GJB7: variants seen among roughly 807,000 people sequenced by gnomAD.
GJB7 encodes the protein gap junction protein beta 7, also known as gap junction beta-7 protein.
For missense variants in GJB7, 253 were observed against 256.8 expected, an observed-to-expected ratio of 0.99 and a Z score of 0.10; for synonymous variants, 87 against 95.2, an observed-to-expected ratio of 0.91 and a Z score of 0.50.
At chr6:87,321,366 T>A (rs1776657812) in intron 2 of GJB7, among the ~76,000 whole-genome samples, 1 of 152,212 alleles carries the variant, frequency 6.6e-6, no homozygotes, top group African/African-American at 2.4e-5. Context: ...TTTTATTTCT[T>A]TCAGGTCCCA....
At chr6:87,293,999 TG>T (rs1776215525) in intron 2 of GJB7, among the ~76,000 whole-genome samples, 1 of 152,212 alleles carries the variant, frequency 6.6e-6, no homozygotes, top group Admixed American at 6.5e-5. Context: ...ATGGACACAG[TG>T]CCTCTGCTAC....
chr6:87,303,933 C>T (rs747514935), intron 2 of GJB7, among the ~76,000 whole-genome samples: 10 of 152,032 alleles, frequency 6.6e-5, no homozygotes, highest in Admixed American at 1.3e-4. Flanking sequence ...CTACAGGGTA[C>T]ATAATGAAAT....
intron 2 of GJB7, among the ~76,000 whole-genome samples, chr6:87,308,491 G>A (rs144118119): frequency 1.6e-4 from 25 of 152,234 alleles, no homozygotes; most frequent in African/African-American, 6.0e-4. Context: ...AAACAAATCA[G>A]TAGAAAATGT....
chr6:87,293,172 C>T (rs949411823), intron 2 of GJB7, among the ~76,000 whole-genome samples: 3 of 152,182 alleles, frequency 2.0e-5, no homozygotes, highest in Non-Finnish European at 4.4e-5. Flanking sequence ...GTGGGGACTA[C>T]AGGCACGCGC....
chr6:87,325,032 A>G (rs536991011), intron 1 of GJB7, among the ~76,000 whole-genome samples: 52 of 152,126 alleles, frequency 3.4e-4, no homozygotes, highest in East Asian at 1.2e-3. Flanking sequence ...CTTTGAAGCA[A>G]TTGTGAATGG....
intron 1 of GJB7, among the ~76,000 whole-genome samples, chr6:87,325,708 G>T (rs1388123124): frequency 6.6e-6 from 1 of 152,082 alleles, no homozygotes; most frequent in African/African-American, 2.4e-5. Context: ...GTTCATCAAG[G>T]ATATTGGTCT....
intron 1 of GJB7, among the ~76,000 whole-genome samples, chr6:87,324,370 T>C (rs1224247954): frequency 1.1e-4 from 17 of 152,036 alleles, no homozygotes; most frequent in Non-Finnish European, 1.6e-4. Context: ...ATGGTAATGC[T>C]TAGGTTTTCT....
chr6:87,285,675 C>T (rs1776048251), intron 2 of GJB7, among the ~76,000 whole-genome samples: 1 of 152,200 alleles, frequency 6.6e-6, no homozygotes, highest in African/African-American at 2.4e-5. Flanking sequence ...ATTCTGTGGT[C>T]TTCAATCTCC....
chr6:87,288,761 T>C (rs9359744), intron 2 of GJB7, among the ~76,000 whole-genome samples: 15,596 of 152,192 alleles, frequency 0.1, 845 homozygotes, highest in East Asian at 0.13. Flanking sequence ...CCAATCTACA[T>C]TCAAGGCCAA....
chr6:87,301,795 A>G (rs979324732), intron 2 of GJB7, among the ~76,000 whole-genome samples: 4 of 152,222 alleles, frequency 2.6e-5, no homozygotes, highest in Non-Finnish European at 4.4e-5. Flanking sequence ...GGGCAGACTG[A>G]CACCTCACAT....
intron 2 of GJB7, among the ~76,000 whole-genome samples, chr6:87,311,616 G>T (rs1776513296): frequency 6.6e-6 from 1 of 152,206 alleles, no homozygotes; most frequent in African/African-American, 2.4e-5. Flanking sequence ...CAGTATTTTA[G>T]GACTGGTGGA....
intron 1 of GJB7, among the ~76,000 whole-genome samples, chr6:87,327,094 G>T (rs1314440556): frequency 6.6e-6 from 1 of 151,328 alleles, no homozygotes; most frequent in Non-Finnish European, 1.5e-5. Context: ...TGCAACCCCT[G>T]CTTTTTTTTG....
At chr6:87,321,710 G>A in intron 2 of GJB7, among the ~76,000 whole-genome samples, 1 of 152,110 alleles carries the variant, frequency 6.6e-6, no homozygotes, top group East Asian at 1.9e-4. Context: ...CTGAGGCTGG[G>A]TAACTTATAA....
intron 2 of GJB7, among the ~76,000 whole-genome samples, chr6:87,310,027 T>C (rs1776493556): frequency 6.6e-6 from 1 of 152,188 alleles, no homozygotes; most frequent in African/African-American, 2.4e-5. Context: ...CCTTAATCTT[T>C]TATGGTGATG....
chr6:87,308,295 C>T (rs1285567428), intron 2 of GJB7, among the ~76,000 whole-genome samples: 2 of 152,074 alleles, frequency 1.3e-5, no homozygotes, highest in African/African-American at 2.4e-5. Context: ...TTAATGGGTG[C>T]AGCACACCAA....
At chr6:87,321,963 C>G (rs1776673141) in intron 2 of GJB7, among the ~76,000 whole-genome samples, 3 of 152,198 alleles carry the variant, frequency 2.0e-5, no homozygotes, top group African/African-American at 7.2e-5. Flanking sequence ...TCAGTGACCT[C>G]TCACCAGGCC....
Position 87,295,102 on chromosome 6 carries a change from A to T in GJB7, c.-27-10163T>A, listed in dbSNP as rs77386152. Reference sequence around the variant, plus strand: ...AAGCAACACTGACCTTTGGTTGTATAATTTCCTGGCCAAAAAAAAAAATGG... The same window carrying T: ...AAGCAACACTGACCTTTGGTTGTATTATTTCCTGGCCAAAAAAAAAAATGG... On this transcript the variant is annotated intron_variant, in intron 2 of 2. Transcript: ENST00000525899. Among the ~76,000 whole-genome samples the T allele has an allele frequency of 1.7e-3, 251 of 152,040 alleles. 1 individual carries two copies. The highest frequency in any genetic ancestry group is 3.0e-3 in the Non-Finnish European group (206 of 67,992).
rs1458872054 is a variant in GJB7 at position 87,284,799 on chromosome 6, C to T, written c.114G>A (p.Val38=). Residue 38 remains valine, a synonymous_variant, in exon 3 of 3, where the codon GTG becomes GTA. Coordinates refer to ENST00000525899, the MANE Select transcript of GJB7 (RefSeq NM_198568.3). ...CATCTTTCCACACGTGCTCTGCTGC[C>T]ACCATGTAGACCAGCAAACGGAAGA... is the stretch of plus-strand genomic sequence containing the variant. The part of the protein sequence containing the change: ...VFVFRLLVYM[V]AAEHVWKDEQ... 1 of 1,614,126 alleles carries T rather than the reference C, an allele frequency of 6.2e-7. No individual in the cohort carries two copies. Among genetic ancestry groups the T allele is most frequent in the East Asian group, 2.2e-5 (1 of 44,868 alleles).
chr6:87,323,545 A>C (rs1776727491), intron 1 of GJB7, among the ~76,000 whole-genome samples: 1 of 151,176 alleles, frequency 6.6e-6, no homozygotes, highest in African/African-American at 2.4e-5. Context: ...TGTTCTTGCG[A>C]TAGTTTACTG....
Sources: gnomAD v4.1 joint callset for allele counts (sites outside exome capture counted in the v4.1 genomes callset) on GRCh38, gnomAD v4.1.1 for gene constraint, MANE v1.5 for transcripts, NCBI Gene and HGNC (gene_info 2026-07-23, HGNC 2026-07-21) for gene names.